NAA11: variants seen among roughly 807,000 people sequenced by gnomAD.
The protein encoded by NAA11 is N-alpha-acetyltransferase 11.
Under a neutral mutation model 16.1 loss-of-function variants are expected in NAA11, and 15 were observed. The ratio of observed to expected loss-of-function variants is 0.93; its 90% CI spans 0.62 to 1.44. NAA11 has a LOEUF of 1.44. Among genes scored for constraint, NAA11 ranks in the 40% most tolerant of loss-of-function variants. The probability of loss-of-function intolerance (pLI) is 0.00; values close to 1 mark genes in which losing one functional copy is unlikely to be tolerated. For synonymous variants in NAA11, 122 were observed against 112.4 expected, an observed-to-expected ratio of 1.09 and a Z score of -0.54; for missense variants, 298 against 291.3, an observed-to-expected ratio of 1.02 and a Z score of -0.17.
chr4:79,296,855 TCTCA>T (rs1452018280), intron 1 of NAA11, among the ~76,000 whole-genome samples: 1 of 152,214 alleles, frequency 6.6e-6, no homozygotes, highest in African/African-American at 2.4e-5. Flanking sequence ...GCTCCTGAAT[TCTCA>T]CTCCCATCTA....
intron 2 of NAA11, among the ~76,000 whole-genome samples, chr4:79,277,079 A>T (rs1316354430): frequency 1.3e-5 from 2 of 152,154 alleles, no homozygotes; most frequent in African/African-American, 4.8e-5. Context: ...ATTAAAACTC[A>T]ATGTTGCACC....
At chr4:79,275,805 C>G (rs995315373) in intron 2 of NAA11, among the ~76,000 whole-genome samples, 3 of 152,030 alleles carry the variant, frequency 2.0e-5, no homozygotes, top group African/African-American at 7.2e-5. Context: ...TGACAATTTT[C>G]AGAGCTTGGT....
intron 2 of NAA11, among the ~76,000 whole-genome samples, chr4:79,256,651 A>AATATATAT (rs34533882): frequency 0.1 from 13,069 of 130,522 alleles, 777 homozygotes; most frequent in South Asian, 0.13. Context: ...TATAAATATA[A>AATATATAT]ATATATATAT....
the NAA11 span, among the ~76,000 whole-genome samples, chr4:79,210,880 T>C: frequency 6.6e-6 from 1 of 152,282 alleles, no homozygotes; most frequent in South Asian, 2.1e-4. Flanking sequence ...ATCTGTAAAA[T>C]GGCGAGAGTG....
chr4:79,247,607 A>G (rs1203499061), intron 2 of NAA11, among the ~76,000 whole-genome samples: 2 of 152,142 alleles, frequency 1.3e-5, no homozygotes. Context: ...TGACCAGAAC[A>G]TCAGTAAGAC....
chr4:79,241,904 A>G (rs765763717), intron 2 of NAA11, among the ~76,000 whole-genome samples: 2 of 152,366 alleles, frequency 1.3e-5, no homozygotes, highest in South Asian at 2.1e-4. Context: ...CTATCACTAC[A>G]TGCTTTTCAA....
intron 2 of NAA11, among the ~76,000 whole-genome samples, chr4:79,293,687 C>A (rs1285355566): frequency 6.6e-6 from 1 of 152,162 alleles, no homozygotes; most frequent in Non-Finnish European, 1.5e-5. Context: ...TAAACTCAAT[C>A]TAATGAGAAT....
rs181253139 is a variant in NAA11 at position 79,244,410 on chromosome 4, T to G, written c.*123-18140A>C. On this transcript the variant is annotated intron_variant and NMD_transcript_variant, in intron 2 of 2. Coordinates refer to the NAA11 transcript ENST00000511542. ...CCAATTTTTCATTTAGTACTTTGCC[T>G]ATTGTCTTTTTCACTTAGTATTTAT... is the stretch of plus-strand genomic sequence containing the variant. Among the ~76,000 whole-genome samples, 1,103 of 152,288 alleles carry G rather than the reference T, an allele frequency of 7.2e-3. 14 individuals are homozygous for G. The highest frequency in any genetic ancestry group is 0.025 in the African/African-American group (1,039 of 41,554).
At position 79,325,359 on chromosome 4, in the gene NAA11, G is replaced by A. The variant is rs759630847; in HGVS notation, c.519C>T (p.Gly173=). Residue 173 remains glycine, a synonymous_variant, in exon 1 of 2, where the codon GGC becomes GGT. Transcript: ENST00000286794. ...DLKKGGYVVL[G]SRENQETQGS... is the part of the protein sequence containing the mutation. ...CCTGGGTCTCCTGGTTCTCCCTGGA[G>A]CCCAGGACCACATACCCGCCCTTCT... 5 of 1,613,882 alleles carry A rather than the reference G, an allele frequency of 3.1e-6. No individual in the cohort carries two copies. The South Asian group carries it at 3.3e-5, about 11-fold the overall frequency.
chr4:79,159,375 C>G, the NAA11 span, among the ~76,000 whole-genome samples: 1 of 152,106 alleles, frequency 6.6e-6, no homozygotes, highest in Non-Finnish European at 1.5e-5. Flanking sequence ...CAAATCAAAA[C>G]CACAATTTGA....
At chr4:79,215,473 G>A in the NAA11 span, among the ~76,000 whole-genome samples, 1 of 152,198 alleles carries the variant, frequency 6.6e-6, no homozygotes, top group East Asian at 1.9e-4. Flanking sequence ...CTTCATCCCA[G>A]CAAATCATGT....
chr4:79,271,609 G>T (rs1722494248), intron 2 of NAA11, among the ~76,000 whole-genome samples: 3 of 151,880 alleles, frequency 2.0e-5, no homozygotes, highest in Non-Finnish European at 2.9e-5. Flanking sequence ...AGCTAATATT[G>T]GTACTTTAGC....
At chr4:79,267,256 T>C (rs979579766) in intron 2 of NAA11, among the ~76,000 whole-genome samples, 2 of 152,144 alleles carry the variant, frequency 1.3e-5, no homozygotes, top group African/African-American at 4.8e-5. Context: ...CCACGGAGAA[T>C]AGAATGAAGA....
chr4:79,260,537 G>A (rs1722226823), intron 2 of NAA11, among the ~76,000 whole-genome samples: 1 of 152,176 alleles, frequency 6.6e-6, no homozygotes, highest in Admixed American at 6.5e-5. Flanking sequence ...ATAGAGTCCC[G>A]CTTTTGACTC....
intron 2 of NAA11, among the ~76,000 whole-genome samples, chr4:79,283,798 T>TA (rs1194299256): frequency 6.6e-6 from 1 of 152,098 alleles, no homozygotes; most frequent in Non-Finnish European, 1.5e-5. Context: ...CCAAAAGTTT[T>TA]AAAAAATATC....
At chr4:79,157,638 C>T in the NAA11 span, among the ~76,000 whole-genome samples, 9 of 150,710 alleles carry the variant, frequency 6.0e-5, no homozygotes, top group African/African-American at 2.2e-4. Context: ...TATACCAAAG[C>T]CCTCACCAAA....
At chr4:79,240,949 A>G (rs1267458993) in intron 2 of NAA11, among the ~76,000 whole-genome samples, 1 of 152,258 alleles carries the variant, frequency 6.6e-6, no homozygotes, top group African/African-American at 2.4e-5. Flanking sequence ...CATTTGGGTT[A>G]TTCCACCAGG....
intron 1 of NAA11, among the ~76,000 whole-genome samples, chr4:79,324,135 C>T (rs1165699922): frequency 6.6e-6 from 1 of 152,054 alleles, no homozygotes; most frequent in Non-Finnish European, 1.5e-5. Flanking sequence ...ATTATCATTG[C>T]CATTCTTATT....
At chr4:79,226,931 T>G (rs1472718603) in intron 2 of NAA11, among the ~76,000 whole-genome samples, 2 of 152,176 alleles carry the variant, frequency 1.3e-5, no homozygotes, top group African/African-American at 4.8e-5. Flanking sequence ...TATATTCTTT[T>G]GGGTATATAC....
Sources: gnomAD v4.1 joint callset for allele counts (sites outside exome capture counted in the v4.1 genomes callset) on GRCh38, gnomAD v4.1.1 for gene constraint, MANE v1.5 for transcripts, NCBI Gene and HGNC (gene_info 2026-07-23, HGNC 2026-07-21) for gene names.